LPGAT1: variants seen among roughly 807,000 people sequenced by gnomAD.
The protein encoded by LPGAT1 is acyl-CoA:lysophosphatidylglycerol acyltransferase 1.
A neutral mutation model predicts 47.5 loss-of-function variants in LPGAT1; 11 were observed. That is an observed-to-expected ratio of 0.23 (90% CI 0.15 to 0.38). The LOEUF (loss-of-function observed/expected upper bound fraction) is 0.38, where lower values mean the gene tolerates loss of function less well. LPGAT1 is among the 10% of genes least tolerant of loss of function. The pLI, the probability that LPGAT1 is intolerant of heterozygous loss-of-function variation, is 1.00. For missense variants in LPGAT1, 293 were observed against 439.0 expected, an observed-to-expected ratio of 0.67 and a Z score of 2.97; for synonymous variants, 138 against 144.2, an observed-to-expected ratio of 0.96 and a Z score of 0.31.
intron 2 of LPGAT1, among the ~76,000 whole-genome samples, chr1:211,809,762 C>A (rs182099035): frequency 6.4e-4 from 97 of 152,254 alleles, no homozygotes; most frequent in Non-Finnish European, 1.2e-3. Context: ...TGAGACCTCC[C>A]CAGCCATGTG....
chr1:211,783,602 C>CTATTCTATTCTGTGATTGG, intron 4 of LPGAT1, 100 bp from the exon 5 acceptor site: 3 of 1,189,838 alleles, frequency 2.5e-6, no homozygotes, highest in Non-Finnish European at 3.5e-6. Flanking sequence ...AATCCAATCA[C>CTATTCTATTCTGTGATTGG]AGAATAGAAT....
At chr1:211,754,695 G>A (rs1657362147) in intron 6 of LPGAT1, among the ~76,000 whole-genome samples, 1 of 152,094 alleles carries the variant, frequency 6.6e-6, no homozygotes, top group South Asian at 2.1e-4. Flanking sequence ...CTAGGGATTT[G>A]AAAATTATAA....
chr1:211,819,461 C>T (rs1308010642), intron 2 of LPGAT1, among the ~76,000 whole-genome samples: 2 of 152,138 alleles, frequency 1.3e-5, no homozygotes, highest in Non-Finnish European at 2.9e-5. Context: ...CATGGTATTA[C>T]AGCCTGGGTG....
At chr1:211,806,437 G>A (rs542179146) in intron 2 of LPGAT1, among the ~76,000 whole-genome samples, 97 of 151,940 alleles carry the variant, frequency 6.4e-4, no homozygotes, top group African/African-American at 1.6e-3. Flanking sequence ...ATCAAATACC[G>A]CATGTTCTCA....
At chr1:211,800,193 A>AT (rs376366429) in intron 2 of LPGAT1, among the ~76,000 whole-genome samples, 43,970 of 141,804 alleles carry the variant, frequency 0.31, 8,273 homozygotes, top group Non-Finnish European at 0.44. Context: ...TGTCCAGCTA[A>AT]TTTTTTTTTT....
intron 2 of LPGAT1, among the ~76,000 whole-genome samples, chr1:211,811,989 T>C (rs188702870): frequency 6.6e-6 from 1 of 152,346 alleles, no homozygotes; most frequent in African/African-American, 2.4e-5. Context: ...ATCACTCACA[T>C]TGTGCACATT....
intron 2 of LPGAT1, among the ~76,000 whole-genome samples, chr1:211,809,062 G>A (rs1047690279): frequency 6.6e-6 from 1 of 151,924 alleles, no homozygotes; most frequent in Non-Finnish European, 1.5e-5. Context: ...AAAATTAGCT[G>A]GGTGTGGTGG....
At chr1:211,815,511 C>A (rs1248993640) in intron 2 of LPGAT1, among the ~76,000 whole-genome samples, 2 of 152,184 alleles carry the variant, frequency 1.3e-5, no homozygotes, top group African/African-American at 4.8e-5. Context: ...CTCCTGGCCA[C>A]ACACACTGGC....
At chr1:211,794,174 A>T (rs1659254308) in intron 2 of LPGAT1, among the ~76,000 whole-genome samples, 1 of 152,264 alleles carries the variant, frequency 6.6e-6, no homozygotes, top group South Asian at 2.1e-4. Flanking sequence ...TTAAAATAAT[A>T]AAACTAATAC....
Position 211,830,636 on chromosome 1 carries a change from G to T in LPGAT1, c.-91C>A. ...AGAGGAGCCGGAAGAATGCATGGCC[G>T]GCGGCGGGGCCGGCGGAAGAAGGCG... On this transcript the variant is annotated 5_prime_UTR_variant, in exon 1 of 8. Transcript: ENST00000366997. This position sits in a 1 kb window ranked among gnomAD's most constrained non-coding sequence, Gnocchi z 5.9. 8.3e-7 allele frequency: 1 copy of T among 1,203,194 alleles called. No individual in the cohort carries two copies. Among genetic ancestry groups the T allele is most frequent in the South Asian group, 4.1e-5 (1 of 24,114 alleles). The allele number at this position is 1,203,194 out of a possible 1,614,324, so 74.5% of individuals were successfully genotyped here. A position where few individuals can be genotyped will look rare whatever the true frequency, so the allele number is the denominator to read the frequency against.
chr1:211,783,472 G>A lies in LPGAT1; in HGVS notation c.484C>T (p.Leu162Phe), dbSNP rs1490212526. Residue 162 changes from leucine to phenylalanine, a missense_variant, in exon 5 of 8, where the codon CTT becomes TTT. Coordinates refer to ENST00000366997, the MANE Select transcript of LPGAT1 (RefSeq NM_014873.3). The stretch of plus-strand genomic sequence containing the variant: ...TTATTTTCTAAGTGCTTCTTGAGAA[G>A]CAGCAGCTGTTGGTCACGATAAGAT... ...GRSYRDQQLL[L>F]LKKHLENNYR... The A allele has an allele frequency of 6.2e-7, 1 of 1,613,842 alleles. No homozygotes were observed. The highest frequency in any genetic ancestry group is 2.2e-5 in the East Asian group (1 of 44,886).
At chr1:211,820,126 G>C (rs935922145) in intron 2 of LPGAT1, among the ~76,000 whole-genome samples, 1 of 152,086 alleles carries the variant, frequency 6.6e-6, no homozygotes, top group Admixed American at 6.5e-5. Flanking sequence ...TTTTTTTAGA[G>C]AGGCAGAAGA....
At chr1:211,751,373 C>T (rs977678804) in intron 6 of LPGAT1, among the ~76,000 whole-genome samples, 3 of 152,130 alleles carry the variant, frequency 2.0e-5, no homozygotes, top group Non-Finnish European at 2.9e-5. Context: ...ATTATGTCTT[C>T]CCATGTTTGT....
chr1:211,784,835 G>A (rs900657224), intron 4 of LPGAT1, among the ~76,000 whole-genome samples: 19 of 140,116 alleles, frequency 1.4e-4, no homozygotes, highest in Admixed American at 4.6e-4. Flanking sequence ...ACAGAGTCTC[G>A]CTCTGTTGCC....
At position 211,830,664 on chromosome 1, in the gene LPGAT1, G is replaced by C; in HGVS notation, c.-119C>G. Reference sequence around the variant, plus strand: ...GGCGGGGCCGGCGGAAGAAGGCGGTGGCGGGGCCCTGCCCCGCTCCGGCTG... The same window carrying C: ...GGCGGGGCCGGCGGAAGAAGGCGGTCGCGGGGCCCTGCCCCGCTCCGGCTG... On this transcript the variant is annotated 5_prime_UTR_variant, in exon 1 of 8. Coordinates refer to ENST00000366997, the MANE Select transcript of LPGAT1 (RefSeq NM_014873.3). This position sits in a 1 kb window ranked among gnomAD's most constrained non-coding sequence, Gnocchi z 5.9. 1.7e-6 allele frequency: 2 copies of C among 1,199,882 alleles called. No individual in the cohort carries two copies. Among genetic ancestry groups the C allele is most frequent in the African/African-American group, 1.6e-5 (1 of 63,098 alleles). The allele number at this position is 1,199,882 out of a possible 1,614,324, so 74.3% of individuals were successfully genotyped here. A position where few individuals can be genotyped will look rare whatever the true frequency, so the allele number is the denominator to read the frequency against.
rs1317566909 is a variant in LPGAT1, at chr1:211,748,534, A to G, written c.*1365T>C. 6.6e-6 allele frequency: 1 copy of G among 152,172 alleles called. No individual in the cohort carries two copies. The highest frequency in any genetic ancestry group is 1.5e-5 in the Non-Finnish European group (1 of 68,078). The allele number at this position is 152,172 out of a possible 1,614,324, so 9.4% of individuals were successfully genotyped here. A position where few individuals can be genotyped will look rare whatever the true frequency, so the allele number is the denominator to read the frequency against. ...ACCCCATCTCTACTAAAAATACAAAAATTAGCCAAGCATGATGGTGGGTGC... is the reference window on the plus strand; with the variant it reads ...ACCCCATCTCTACTAAAAATACAAAGATTAGCCAAGCATGATGGTGGGTGC... On this transcript the variant is annotated 3_prime_UTR_variant, in exon 8 of 8. Coordinates refer to ENST00000366997, the MANE Select transcript of LPGAT1 (RefSeq NM_014873.3).
chr1:211,830,535 G>T lies in LPGAT1; in HGVS notation c.-28+38C>A. ...GCGCCTCCCCTGGCCCGGCTCCGCT[G>T]CCGCTCTGGGGCCTGCGACCGCGGA... On this transcript the variant is annotated intron_variant, in intron 1 of 7. Transcript: ENST00000366997. This position sits in a 1 kb window ranked among gnomAD's most constrained non-coding sequence, Gnocchi z 5.9. 8.3e-7 allele frequency: 1 copy of T among 1,201,512 alleles called. No individual in the cohort carries two copies. 74.4% of individuals were successfully genotyped at this position (1,201,512 alleles called of 1,614,324 possible). A position where few individuals can be genotyped will look rare whatever the true frequency, so the allele number is the denominator to read the frequency against.
At chr1:211,800,085 AG>A (rs763534656) in intron 2 of LPGAT1, among the ~76,000 whole-genome samples, 7 of 146,714 alleles carry the variant, frequency 4.8e-5, no homozygotes, top group African/African-American at 1.2e-4. Flanking sequence ...CCCAGGCTGG[AG>A]TGCAGTGGCA....
intron 2 of LPGAT1, among the ~76,000 whole-genome samples, chr1:211,815,770 TTTC>T (rs1465648132): frequency 2.0e-5 from 3 of 148,768 alleles, no homozygotes; most frequent in East Asian, 2.0e-4. Context: ...GACAAATGCT[TTTC>T]TTTTTTTTTT....
Sources: gnomAD v4.1 joint callset for allele counts (sites outside exome capture counted in the v4.1 genomes callset) on GRCh38, gnomAD v4.1.1 for gene constraint, Gnocchi (gnomAD v3.1) non-coding constraint, MANE v1.5 for transcripts, NCBI Gene and HGNC (gene_info 2026-07-23, HGNC 2026-07-21) for gene names.